SRSF12: variants seen among roughly 807,000 people sequenced by gnomAD.
The protein encoded by SRSF12 is serine/arginine-rich splicing factor 12.
A neutral mutation model predicts 34.1 loss-of-function variants in SRSF12; 21 were observed. The ratio of observed to expected loss-of-function variants is 0.62; its 90% CI spans 0.44 to 0.89. The LOEUF (loss-of-function observed/expected upper bound fraction) is 0.89, where lower values mean the gene tolerates loss of function less well. Ranked by LOEUF, SRSF12 falls within the 40% of genes least tolerant of loss-of-function variation. The pLI is 0.00. For synonymous variants in SRSF12, 111 were observed against 110.8 expected (o/e 1.00, Z -0.01); for missense variants, 278 against 327.8 (o/e 0.85, Z 1.17).
At chr6:89,108,227 G>A (rs1387944435) in intron 1 of SRSF12, among the ~76,000 whole-genome samples, 5 of 152,294 alleles carry the variant, frequency 3.3e-5, no homozygotes, top group Non-Finnish European at 5.9e-5. Context: ...CAATTTAACT[G>A]AAGAGACAAA....
At chr6:89,099,498 ATGTGTG>A (rs1256462968) in intron 4 of SRSF12, among the ~76,000 whole-genome samples, 1 of 111,250 alleles carries the variant, frequency 9.0e-6, no homozygotes, top group African/African-American at 4.1e-5. Flanking sequence ...GTATATATAT[ATGTGTG>A]TATATATATA....
Position 89,099,401 on chromosome 6 carries a change from T to TATATATATA in SRSF12, c.417-455_417-454insTATATATAT, listed in dbSNP as rs1435450922. 4.8e-3 allele frequency among the ~76,000 whole-genome samples: 626 copies of TATATATATA among 130,356 alleles called. 9 individuals carry two copies. The highest frequency in any genetic ancestry group is 0.018 in the African/African-American group (594 of 32,754). The allele number at this position is 130,356 out of a possible 152,430, so 85.5% of individuals were successfully genotyped here. ...TAGAAAACAGCTCTCTCTCTCTCTC[T>TATATATATA]CCATATATATATACATATATATATG... On this transcript the variant is annotated intron_variant, in intron 4 of 4. Coordinates refer to ENST00000452027, the MANE Select transcript of SRSF12 (RefSeq NM_080743.5).
At chr6:89,110,985 G>A (rs538181789) in intron 1 of SRSF12, among the ~76,000 whole-genome samples, 3 of 152,038 alleles carry the variant, frequency 2.0e-5, no homozygotes, top group Non-Finnish European at 4.4e-5. Flanking sequence ...TGGGCGTGGT[G>A]TCTATAATCC....
intron 4 of SRSF12, among the ~76,000 whole-genome samples, chr6:89,103,015 T>C (rs1768608384): frequency 6.6e-6 from 1 of 152,098 alleles, no homozygotes; most frequent in Admixed American, 6.5e-5. Flanking sequence ...GATCTCACCC[T>C]GGCCTCCCAG....
chr6:89,111,109 CTTTT>C (rs75997148), intron 1 of SRSF12, among the ~76,000 whole-genome samples: 4 of 120,726 alleles, frequency 3.3e-5, no homozygotes, highest in East Asian at 4.7e-4. Context: ...TGAGACTTGT[CTTTT>C]TTTTTTTTTT....
At chr6:89,115,256 C>T (rs867011928) in intron 1 of SRSF12, among the ~76,000 whole-genome samples, 11 of 151,944 alleles carry the variant, frequency 7.2e-5, no homozygotes. Context: ...AGGTGTCATA[C>T]ACCAGGCTAC....
At chr6:89,099,623 C>CAATTG (rs1437536635) in intron 4 of SRSF12, among the ~76,000 whole-genome samples, 1 of 151,362 alleles carries the variant, frequency 6.6e-6, no homozygotes, top group Non-Finnish European at 1.5e-5. Flanking sequence ...GCAACCTCCG[C>CAATTG]CTCCCAGGTT....
At chr6:89,116,207 C>T (rs923591758) in intron 1 of SRSF12, among the ~76,000 whole-genome samples, 3 of 152,222 alleles carry the variant, frequency 2.0e-5, no homozygotes, top group Non-Finnish European at 4.4e-5. Context: ...GTTTATATTA[C>T]CCCGGCTGGC....
At chr6:89,109,193 C>T (rs557643673) in intron 1 of SRSF12, among the ~76,000 whole-genome samples, 1 of 152,114 alleles carries the variant, frequency 6.6e-6, no homozygotes, top group Non-Finnish European at 1.5e-5. Context: ...GGCACCCCAA[C>T]CCGATGCATT....
In SRSF12 at chr6:89,098,753, G is replaced by A; in HGVS notation, c.611C>T (p.Thr204Ile). The change falls in exon 5 of 5, where the codon ACT becomes ATT. Residue 204 changes from threonine to isoleucine, a missense_variant. Thr to Ile is a moderately conservative substitution (Grantham distance 89). Coordinates refer to ENST00000452027, the MANE Select transcript of SRSF12 (RefSeq NM_080743.5). ...TGATCTTGATTTTGTTCCTGAGCTA[G>A]TCTGCTTTTGAGGTGAACTTGACTG... ...KSQSSSPQKQ[T>I]SSGTKSRSHG... 6.2e-7 allele frequency: 1 copy of A among 1,613,940 alleles called. No homozygotes were observed.
At position 89,113,439 on chromosome 6, in the gene SRSF12, T is replaced by C. The variant is rs1010505647; in HGVS notation, c.65+4384A>G. ...CGCCCACTTTGGCCTCCCAAAGTGCTGGGATTATAGGCGTGAGCCACCGCA... is the reference window on the plus strand; with the variant it reads ...CGCCCACTTTGGCCTCCCAAAGTGCCGGGATTATAGGCGTGAGCCACCGCA... On this transcript the variant is annotated intron_variant, in intron 1 of 4. Transcript: ENST00000452027. Among the ~76,000 whole-genome samples the C allele has an allele frequency of 1.4e-4, 21 of 152,294 alleles. No homozygotes were observed. The East Asian group carries it at 3.9e-3, about 28-fold the overall frequency.
chr6:89,101,007 A>G (rs1168677806), intron 4 of SRSF12, among the ~76,000 whole-genome samples: 1 of 151,754 alleles, frequency 6.6e-6, no homozygotes, highest in Non-Finnish European at 1.5e-5. Context: ...TAGGAGGCTG[A>G]GGCAAGAGAA....
At chr6:89,105,694 C>T (rs1768750570) in intron 2 of SRSF12, 164 bp from the exon 3 acceptor site, 1 of 457,676 alleles carries the variant, frequency 2.2e-6, no homozygotes, top group Non-Finnish European at 3.7e-6. Context: ...TTCACTTTTT[C>T]TCATGAAAAC....
At chr6:89,099,064 C>T in intron 4 of SRSF12, 117 bp from the exon 5 acceptor site, 1 of 1,254,816 alleles carries the variant, frequency 8.0e-7, no homozygotes, top group African/African-American at 1.5e-5. Context: ...ACTAGATAAG[C>T]TAAAAAAATT....
At chr6:89,103,519 G>A (rs143626936) in intron 4 of SRSF12, among the ~76,000 whole-genome samples, 8,321 of 150,158 alleles carry the variant, frequency 0.055, 634 homozygotes, top group African/African-American at 0.18. Context: ...AGTAGACACG[G>A]GGTTTCGCCA....
chr6:89,115,900 G>C (rs1769274128), intron 1 of SRSF12, among the ~76,000 whole-genome samples: 1 of 152,104 alleles, frequency 6.6e-6, no homozygotes, highest in Non-Finnish European at 1.5e-5. Flanking sequence ...CTCCCAAAGT[G>C]CTGTGATTAC....
intron 4 of SRSF12, among the ~76,000 whole-genome samples, chr6:89,100,835 C>T (rs1021616443): frequency 5.3e-5 from 8 of 152,102 alleles, no homozygotes; most frequent in African/African-American, 1.9e-4. Context: ...AGACTGGGTG[C>T]AGTGGCTCAT....
rs765597207 is a variant in SRSF12 at position 89,096,484 on chromosome 6, C to G, written c.*2094G>C. 6.6e-6 allele frequency: 1 copy of G among 152,226 alleles called. No individual in the cohort carries two copies. The highest frequency in any genetic ancestry group is 1.5e-5 in the Non-Finnish European group (1 of 68,046). The allele number at this position is 152,226 out of a possible 1,614,324, so 9.4% of individuals were successfully genotyped here. A position where few individuals can be genotyped will look rare whatever the true frequency, so the allele number is the denominator to read the frequency against. ...TGCTCAAAAGAGTTTGAGCTATTAT[C>G]ATTCCAGCTTTTTCATCAAACCAAA... On this transcript the variant is annotated 3_prime_UTR_variant, in exon 5 of 5. Transcript: ENST00000452027.
chr6:89,099,537 TG>T (rs1412479840), intron 4 of SRSF12, among the ~76,000 whole-genome samples: 2 of 71,090 alleles, frequency 2.8e-5, no homozygotes, highest in Non-Finnish European at 5.9e-5. Context: ...CACACATACA[TG>T]TTTTTTTTTT....
Sources: allele counts gnomAD v4.1 joint callset (sites outside exome capture counted in the v4.1 genomes callset), GRCh38; gene constraint gnomAD v4.1.1; transcripts MANE v1.5; gene names NCBI Gene and HGNC (gene_info 2026-07-23, HGNC 2026-07-21).